Variants in CHST9 observed in about 807,000 individuals in gnomAD.
The protein encoded by CHST9 is GalNAc-4-sulfotransferase 2.
A neutral mutation model predicts 44.4 loss-of-function variants in CHST9; 41 were observed. The ratio of observed to expected loss-of-function variants is 0.92; its 90% confidence interval spans 0.72 to 1.20. The LOEUF is 1.20. Among genes scored for constraint, CHST9 ranks in the 50% most tolerant of loss-of-function variants. CHST9 has a pLI of 0.00. For synonymous variants in CHST9, 171 were observed against 178.4 expected, an observed-to-expected ratio of 0.96 and a Z score of 0.33; for missense variants, 504 against 516.5, an observed-to-expected ratio of 0.98 and a Z score of 0.23.
intron 2 of CHST9, among the ~76,000 whole-genome samples, chr18:27,090,157 A>G (rs2058054293): frequency 6.6e-6 from 1 of 152,122 alleles, no homozygotes; most frequent in Non-Finnish European, 1.5e-5. Flanking sequence ...GTGAGATGGT[A>G]TCTCATTGTG....
At chr18:27,112,161 A>G (rs1598732913) in intron 2 of CHST9, among the ~76,000 whole-genome samples, 1 of 149,248 alleles carries the variant, frequency 6.7e-6, no homozygotes, top group African/African-American at 2.4e-5. Flanking sequence ...ATTTATACTT[A>G]TATATACCTA....
At chr18:27,090,062 C>T (rs979618634) in intron 2 of CHST9, among the ~76,000 whole-genome samples, 8 of 152,110 alleles carry the variant, frequency 5.3e-5, no homozygotes, top group Non-Finnish European at 8.8e-5. Context: ...CCTCCTGCCT[C>T]GGCCTCCCAC....
chr18:27,006,902 C>T (rs1442512090), intron 4 of CHST9, among the ~76,000 whole-genome samples: 1 of 152,160 alleles, frequency 6.6e-6, no homozygotes, highest in African/African-American at 2.4e-5. Flanking sequence ...ATATCAAACA[C>T]AGCATGAAAG....
chr18:27,056,394 T>C (rs542191957), intron 2 of CHST9, among the ~76,000 whole-genome samples: 1 of 152,292 alleles, frequency 6.6e-6, no homozygotes, highest in South Asian at 2.1e-4. Flanking sequence ...TTTTCTGTGC[T>C]TTTTAGCTGT....
At chr18:26,926,870 C>T (rs1435307774) in intron 5 of CHST9, among the ~76,000 whole-genome samples, 5 of 152,108 alleles carry the variant, frequency 3.3e-5, no homozygotes, top group Admixed American at 3.3e-4. Context: ...TTATATTTGG[C>T]AGGAAAGAAG....
chr18:27,003,820 AC>A (rs2056981718), intron 4 of CHST9, among the ~76,000 whole-genome samples: 1 of 152,082 alleles, frequency 6.6e-6, no homozygotes, highest in Admixed American at 6.6e-5. Context: ...TTGTATATAC[AC>A]CATGAAATAT....
At chr18:27,037,574 T>C (rs1005570685) in intron 3 of CHST9, among the ~76,000 whole-genome samples, 4 of 152,186 alleles carry the variant, frequency 2.6e-5, no homozygotes, top group Non-Finnish European at 4.4e-5. Flanking sequence ...CGCTTGTGTG[T>C]CCTTGCTACT....
chr18:27,163,583 G>A (rs925594498), intron 1 of CHST9, among the ~76,000 whole-genome samples: 4 of 152,180 alleles, frequency 2.6e-5, no homozygotes, highest in Admixed American at 1.3e-4. Context: ...AGCAATGAGC[G>A]AGGCTCCGTG....
intron 4 of CHST9, among the ~76,000 whole-genome samples, chr18:26,985,313 C>T (rs1482374321): frequency 6.6e-6 from 1 of 152,166 alleles, no homozygotes; most frequent in African/African-American, 2.4e-5. Flanking sequence ...TGCTTCTGAT[C>T]AAGATGGAAT....
At chr18:27,094,343 G>A (rs1339653514) in intron 2 of CHST9, among the ~76,000 whole-genome samples, 1 of 151,932 alleles carries the variant, frequency 6.6e-6, no homozygotes, top group African/African-American at 2.4e-5. Flanking sequence ...GTTTATTGTT[G>A]GTGTTTTATA....
intron 2 of CHST9, among the ~76,000 whole-genome samples, chr18:27,053,262 G>GAAGAAGAAGAAGAAGAAGA (rs772678534): frequency 5.7e-4 from 26 of 45,756 alleles, no homozygotes; most frequent in South Asian, 9.8e-4. Context: ...GAAGAAGAAG[G>GAAGAAGAAGAAGAAGAAGA]AGAAGGAGAA....
At chr18:27,028,420 T>A (rs1017623823) in intron 3 of CHST9, among the ~76,000 whole-genome samples, 2 of 152,132 alleles carry the variant, frequency 1.3e-5, no homozygotes, top group African/African-American at 4.8e-5. Flanking sequence ...ACAGGAGGGA[T>A]CAGGAGTTTA....
intron 4 of CHST9, among the ~76,000 whole-genome samples, chr18:26,989,105 T>C (rs992012249): frequency 2.0e-5 from 3 of 151,582 alleles, no homozygotes; most frequent in African/African-American, 7.3e-5. Flanking sequence ...TGAGAGCAAA[T>C]TGAACCCAAA....
intron 1 of CHST9, among the ~76,000 whole-genome samples, chr18:27,152,799 G>T (rs569381826): frequency 1.3e-5 from 2 of 151,982 alleles, no homozygotes; most frequent in African/African-American, 2.4e-5. Flanking sequence ...TTTTTCTGCG[G>T]TGGTACAAAA....
chr18:27,128,916 A>T (rs115968861), intron 2 of CHST9, among the ~76,000 whole-genome samples: 1,657 of 151,860 alleles, frequency 0.011, 25 homozygotes, highest in African/African-American at 0.035. Context: ...TTTTGGAATC[A>T]CTCCTCCATT....
chr18:26,993,609 C>T (rs2056850270), intron 4 of CHST9, among the ~76,000 whole-genome samples: 2 of 152,008 alleles, frequency 1.3e-5, no homozygotes, highest in South Asian at 2.1e-4. Flanking sequence ...AAAAGAAAGA[C>T]AACTAAAGAA....
intron 2 of CHST9, among the ~76,000 whole-genome samples, chr18:27,058,722 A>G (rs1014346648): frequency 1.3e-5 from 2 of 152,122 alleles, no homozygotes; most frequent in Non-Finnish European, 2.9e-5. Context: ...GGGTCAAGAA[A>G]CCATTTTAGA....
chr18:27,162,681 C>A (rs1041617258), intron 1 of CHST9, among the ~76,000 whole-genome samples: 5 of 152,166 alleles, frequency 3.3e-5, no homozygotes, highest in African/African-American at 1.2e-4. Context: ...TTAAGGACTT[C>A]TCTGCATTGG....
chr18:27,027,987 C>G (rs991019886), intron 3 of CHST9, among the ~76,000 whole-genome samples: 4 of 152,178 alleles, frequency 2.6e-5, no homozygotes, highest in African/African-American at 9.7e-5. Flanking sequence ...GCAACCTCCT[C>G]CCACTGCAAC....
Sources: allele counts gnomAD v4.1 joint callset (sites outside exome capture counted in the v4.1 genomes callset), GRCh38; gene constraint gnomAD v4.1.1; transcripts MANE v1.5; gene names NCBI Gene and HGNC (gene_info 2026-07-23, HGNC 2026-07-21).